CSMD1: variants seen among roughly 807,000 people sequenced by gnomAD.
CSMD1 encodes the protein CUB and Sushi multiple domains 1.
Under a neutral mutation model 417.5 loss-of-function variants are expected in CSMD1, and 213 were observed. The observed-to-expected ratio is 0.51, with a 90% CI of 0.46 to 0.57. The LOEUF is 0.57. Among genes scored for constraint, CSMD1 ranks in the 20% least tolerant of loss-of-function variants. CSMD1 has a pLI of 0.00. For synonymous variants in CSMD1, 2,862 were observed against 1,736.8 expected (o/e 1.65, Z -16.11); for missense variants, 6,923 against 4,529.7 (o/e 1.53, Z -15.17).
chr8:3,490,108 T>C (rs148919248), intron 11 of CSMD1, among the ~76,000 whole-genome samples: 18 of 152,334 alleles, frequency 1.2e-4, no homozygotes, highest in African/African-American at 3.4e-4. Context: ...CTAGCTGTGA[T>C]TCTCTGTGTT....
intron 3 of CSMD1, among the ~76,000 whole-genome samples, chr8:4,368,346 T>A (rs1309758481): frequency 1.3e-5 from 2 of 152,186 alleles, no homozygotes; most frequent in African/African-American, 4.8e-5. Context: ...CCTACTTTAT[T>A]GTGGTGAATT....
At chr8:4,056,774 G>C (rs1448901229) in intron 3 of CSMD1, among the ~76,000 whole-genome samples, 2 of 152,000 alleles carry the variant, frequency 1.3e-5, no homozygotes, top group African/African-American at 2.4e-5. Context: ...CTATGAGTGA[G>C]AACATGCGGT....
intron 3 of CSMD1, among the ~76,000 whole-genome samples, chr8:4,335,197 G>A (rs182500120): frequency 6.6e-6 from 1 of 151,970 alleles, no homozygotes; most frequent in African/African-American, 2.4e-5. Context: ...AGCCACCATG[G>A]CTGGCCTGGG....
chr8:4,225,584 A>G (rs1801300847), intron 3 of CSMD1, among the ~76,000 whole-genome samples: 1 of 148,724 alleles, frequency 6.7e-6, no homozygotes, highest in African/African-American at 2.5e-5. Context: ...AATACATCAC[A>G]TTTTTATTTG....
At chr8:3,842,939 T>C (rs2954207) in intron 5 of CSMD1, among the ~76,000 whole-genome samples, 16 of 152,288 alleles carry the variant, frequency 1.1e-4, no homozygotes, top group East Asian at 7.7e-4. Flanking sequence ...GTTCCTAGAA[T>C]TGAAACTACA....
chr8:3,687,621 C>G (rs995904298), intron 7 of CSMD1, among the ~76,000 whole-genome samples: 1 of 152,156 alleles, frequency 6.6e-6, no homozygotes, highest in Non-Finnish European at 1.5e-5. Context: ...TCAGTGGGTT[C>G]CGAGCACTGT....
chr8:3,463,421 G>C (rs142661842), intron 12 of CSMD1, among the ~76,000 whole-genome samples: 2 of 152,342 alleles, frequency 1.3e-5, no homozygotes, highest in East Asian at 1.9e-4. Flanking sequence ...TAAACGCTTT[G>C]TGACAGTCAA....
chr8:3,904,803 A>C (rs1808001787), intron 5 of CSMD1, among the ~76,000 whole-genome samples: 1 of 151,712 alleles, frequency 6.6e-6, no homozygotes, highest in African/African-American at 2.4e-5. Flanking sequence ...TGCCCAGGTA[A>C]TTTTTGTATT....
intron 1 of CSMD1, among the ~76,000 whole-genome samples, chr8:4,870,552 G>C (rs1418639609): frequency 6.6e-6 from 1 of 152,074 alleles, no homozygotes; most frequent in Non-Finnish European, 1.5e-5. Flanking sequence ...CTTCTCGTGT[G>C]TCAGTCTCAG....
chr8:3,922,827 T>C (rs2129144836), intron 5 of CSMD1, among the ~76,000 whole-genome samples: 1 of 152,300 alleles, frequency 6.6e-6, no homozygotes, highest in African/African-American at 2.4e-5. Context: ...TTCTATATAT[T>C]CATGGTGTAC....
At chr8:3,504,271 G>A (rs1384583512) in intron 10 of CSMD1, among the ~76,000 whole-genome samples, 1 of 151,876 alleles carries the variant, frequency 6.6e-6, no homozygotes, top group African/African-American at 2.4e-5. Context: ...TTTTTTAAGT[G>A]AACAAGTACA....
At position 4,857,984 on chromosome 8, in the gene CSMD1, T is replaced by G. The variant is rs577897162; in HGVS notation, c.85+136348A>C. Among the ~76,000 whole-genome samples the G allele has an allele frequency of 6.6e-5, 10 of 152,202 alleles. No individual in the cohort carries two copies. The East Asian group carries it at 1.9e-3, about 29-fold the overall frequency. On this transcript the variant is annotated intron_variant, in intron 1 of 69. Transcript: ENST00000635120. ...CAAAAAAGAGAATTTTAGACCAATA[T>G]CTTTGATGAACATTGACGCAAAAAT...
chr8:3,971,155 C>A (rs1206918971), intron 5 of CSMD1, among the ~76,000 whole-genome samples: 1 of 152,062 alleles, frequency 6.6e-6, no homozygotes. Context: ...TCTATTTACG[C>A]TGCCTCCTGG....
intron 69 of CSMD1, among the ~76,000 whole-genome samples, chr8:2,940,725 G>T (rs958991181): frequency 1.3e-5 from 2 of 152,092 alleles, no homozygotes; most frequent in Admixed American, 6.6e-5. Context: ...AATTATGTGG[G>T]GTTATCTTTT....
rs186988043 is a variant in CSMD1 at position 3,857,851 on chromosome 8, C to G, written c.819-103809G>C. ...TCTTTTATAAAATACCTAGAGTTAC[C>G]TTTGCTGAGTGAGAGATTACGTGAT... On this transcript the variant is annotated intron_variant, in intron 5 of 69. Coordinates refer to ENST00000635120, the MANE Select transcript of CSMD1 (RefSeq NM_033225.6). Among the ~76,000 whole-genome samples the G allele has an allele frequency of 1.5e-3, 232 of 152,264 alleles. 1 individual carries two copies. Among genetic ancestry groups the G allele is most frequent in the South Asian group, 1.0e-2 (48 of 4,820 alleles).
At chr8:4,502,254 T>C (rs532653796) in intron 2 of CSMD1, among the ~76,000 whole-genome samples, 1 of 152,242 alleles carries the variant, frequency 6.6e-6, no homozygotes, top group African/African-American at 2.4e-5. Context: ...AAGTTCTGGG[T>C]GCACATTCTT....
chr8:4,287,317 A>G (rs1025584461), intron 3 of CSMD1, among the ~76,000 whole-genome samples: 1 of 152,188 alleles, frequency 6.6e-6, no homozygotes, highest in Non-Finnish European at 1.5e-5. Flanking sequence ...TAAATCAAGC[A>G]CATCTGGAGA....
At chr8:3,299,342 C>G (rs540434320) in intron 25 of CSMD1, among the ~76,000 whole-genome samples, 7 of 152,190 alleles carry the variant, frequency 4.6e-5, no homozygotes, top group African/African-American at 1.7e-4. Flanking sequence ...ATCCCAGCTA[C>G]TCAGGAGGCT....
intron 10 of CSMD1, among the ~76,000 whole-genome samples, chr8:3,531,993 T>G (rs1798001580): frequency 6.6e-6 from 1 of 152,214 alleles, no homozygotes; most frequent in African/African-American, 2.4e-5. Context: ...CACAGATTCA[T>G]GCCCTATGCA....
Sources: gnomAD v4.1 joint callset for allele counts (sites outside exome capture counted in the v4.1 genomes callset) on GRCh38, gnomAD v4.1.1 for gene constraint, MANE v1.5 for transcripts, NCBI Gene and HGNC (gene_info 2026-07-23, HGNC 2026-07-21) for gene names.